The following CDH13 variants were observed in gnomAD, a reference collection of about 807,000 sequenced individuals.
CDH13 encodes cadherin-13.
A neutral mutation model predicts 63.8 loss-of-function variants in CDH13; 24 were observed. That is an observed-to-expected ratio of 0.38 (90% CI 0.27 to 0.53). CDH13 has a LOEUF of 0.53. Among genes scored for constraint, CDH13 ranks in the 20% least tolerant of loss-of-function variants. CDH13 has a pLI of 0.85. For missense variants in CDH13, 1,049 were observed against 903.1 expected, an observed-to-expected ratio of 1.16 and a Z score of -2.07; for synonymous variants, 503 against 355.3, an observed-to-expected ratio of 1.42 and a Z score of -4.67.
intron 2 of CDH13, among the ~76,000 whole-genome samples, chr16:82,934,693 ATC>A (rs1425893274): frequency 6.6e-6 from 1 of 152,046 alleles, no homozygotes; most frequent in Non-Finnish European, 1.5e-5. Flanking sequence ...ACCCTACATC[ATC>A]TCTCTCAGGT....
chr16:83,742,013 G>T (rs530436853), intron 10 of CDH13, among the ~76,000 whole-genome samples: 35 of 152,322 alleles, frequency 2.3e-4, no homozygotes, highest in South Asian at 4.1e-4. Flanking sequence ...TGGTGCCAAA[G>T]AGGTTGGGGA....
At chr16:83,496,902 A>G (rs2074159047) in intron 7 of CDH13, among the ~76,000 whole-genome samples, 1 of 152,246 alleles carries the variant, frequency 6.6e-6, no homozygotes, top group African/African-American at 2.4e-5. Flanking sequence ...CAAAAAACAC[A>G]TGAAAAAATG....
At chr16:83,221,296 T>C (rs1352902332) in intron 5 of CDH13, among the ~76,000 whole-genome samples, 1 of 152,174 alleles carries the variant, frequency 6.6e-6, no homozygotes, top group Non-Finnish European at 1.5e-5. Flanking sequence ...CACTGCCATC[T>C]TGCCACTCCT....
chr16:83,015,677 GTATATATATATATATATATATA>G lies in CDH13; in HGVS notation c.158-16308_158-16287del, dbSNP rs71148803. On this transcript the variant is annotated intron_variant, in intron 2 of 13. Coordinates refer to ENST00000567109, the MANE Select transcript of CDH13 (RefSeq NM_001257.5). ...CATATATGTGTGTGTGTGTGTGTAT[GTATATATATATATATATATATA>G]TATATATATATATATATATATATAA... is the stretch of plus-strand genomic sequence containing the variant. Among the ~76,000 whole-genome samples the G allele has an allele frequency of 9.8e-4, 37 of 37,570 alleles. 3 individuals carry two copies. The highest frequency in any genetic ancestry group is 2.8e-3 in the Admixed American group (6 of 2,136). The allele number at this position is 37,570 out of a possible 152,430, so 24.6% of individuals were successfully genotyped here.
At chr16:83,504,384 C>G (rs35977570) in intron 7 of CDH13, among the ~76,000 whole-genome samples, 106,099 of 152,102 alleles carry the variant, frequency 0.7, 37,354 homozygotes, top group East Asian at 0.88. Flanking sequence ...GGTATTTCTT[C>G]AGCTCAGAAC....
chr16:82,829,966 T>C (rs1365054117), intron 1 of CDH13, among the ~76,000 whole-genome samples: 1 of 152,270 alleles, frequency 6.6e-6, no homozygotes, highest in Non-Finnish European at 1.5e-5. Context: ...AGACGATGTT[T>C]AGAGTAACCA....
At chr16:82,979,031 G>T (rs1269741796) in intron 2 of CDH13, among the ~76,000 whole-genome samples, 1 of 152,234 alleles carries the variant, frequency 6.6e-6, no homozygotes, top group African/African-American at 2.4e-5. Flanking sequence ...TGCCCTAGAT[G>T]TGAGACATGA....
intron 2 of CDH13, chr16:82,858,876 G>A (rs2039813427): frequency 4.5e-6 from 1 of 220,394 alleles, no homozygotes; most frequent in African/African-American, 2.3e-5. Flanking sequence ...CAAAATAATG[G>A]TGAGAGTATG....
At chr16:82,965,741 C>T (rs944735261) in intron 2 of CDH13, among the ~76,000 whole-genome samples, 36 of 152,302 alleles carry the variant, frequency 2.4e-4, no homozygotes, top group Admixed American at 1.1e-3. Flanking sequence ...GATCTGCCAG[C>T]CTCAGTCTCC....
intron 5 of CDH13, among the ~76,000 whole-genome samples, chr16:83,306,440 C>T (rs2089880615): frequency 6.6e-6 from 1 of 152,136 alleles, no homozygotes; most frequent in South Asian, 2.1e-4. Context: ...GATGGATTAA[C>T]TCCCCTGAAA....
intron 7 of CDH13, among the ~76,000 whole-genome samples, chr16:83,560,905 C>CCT (rs1555573417): frequency 6.6e-6 from 1 of 151,992 alleles, no homozygotes; most frequent in East Asian, 1.9e-4. Flanking sequence ...GTTGGCCCCC[C>CCT]CCCCGCCCCA....
intron 1 of CDH13, among the ~76,000 whole-genome samples, chr16:82,706,317 AG>A (rs2031486458): frequency 6.6e-6 from 1 of 152,214 alleles, no homozygotes; most frequent in Non-Finnish European, 1.5e-5. Flanking sequence ...TAACAAGATA[AG>A]AAAAATGGCC....
chr16:83,078,196 G>C (rs1026060003), intron 3 of CDH13, among the ~76,000 whole-genome samples: 8 of 152,152 alleles, frequency 5.3e-5, no homozygotes, highest in African/African-American at 1.7e-4. Flanking sequence ...CTGTCACTGA[G>C]TCTCTTCTAT....
chr16:83,537,236 T>C (rs909990937), intron 7 of CDH13, among the ~76,000 whole-genome samples: 2 of 152,168 alleles, frequency 1.3e-5, no homozygotes, highest in Non-Finnish European at 2.9e-5. Context: ...GTTGAGCAAG[T>C]AGATAAAACC....
At chr16:82,685,061 A>G (rs1318067708) in intron 1 of CDH13, among the ~76,000 whole-genome samples, 1 of 151,588 alleles carries the variant, frequency 6.6e-6, no homozygotes, top group East Asian at 1.9e-4. Flanking sequence ...TAAACCTGCA[A>G]TAACTCAGTG....
intron 3 of CDH13, among the ~76,000 whole-genome samples, chr16:83,070,670 G>A (rs2032364490): frequency 1.3e-5 from 2 of 152,166 alleles, no homozygotes; most frequent in Non-Finnish European, 2.9e-5. Flanking sequence ...AGACGCCCAA[G>A]AAGATGATTG....
chr16:83,271,245 T>C (rs2151845962), intron 5 of CDH13, among the ~76,000 whole-genome samples: 1 of 150,694 alleles, frequency 6.6e-6, no homozygotes, highest in African/African-American at 2.4e-5. Flanking sequence ...CTGGATGAAG[T>C]CTGTTAACTA....
chr16:83,751,432 T>TA (rs370472634), intron 11 of CDH13, among the ~76,000 whole-genome samples: 10,554 of 147,874 alleles, frequency 0.071, 424 homozygotes, highest in South Asian at 0.14. Flanking sequence ...CCATCTCTAC[T>TA]AAAAAAAAAA....
chr16:83,621,136 C>G (rs1382577321), intron 8 of CDH13, among the ~76,000 whole-genome samples: 1 of 152,180 alleles, frequency 6.6e-6, no homozygotes, highest in Non-Finnish European at 1.5e-5. Flanking sequence ...CTTACCCAGG[C>G]TCCAGACCCC....
Sources: gnomAD v4.1 joint callset for allele counts (sites outside exome capture counted in the v4.1 genomes callset) on GRCh38, gnomAD v4.1.1 for gene constraint, MANE v1.5 for transcripts, NCBI Gene and HGNC (gene_info 2026-07-23, HGNC 2026-07-21) for gene names.